The following SASH1 variants were observed in gnomAD, a reference collection of about 807,000 sequenced individuals.
The protein encoded by SASH1 is SAM and SH3 domain containing 1.
Under a neutral mutation model 125.2 loss-of-function variants are expected in SASH1, and 44 were observed. That is an observed-to-expected ratio of 0.35 (90% CI 0.28 to 0.45). The LOEUF is 0.45. SASH1 is among the 20% of genes least tolerant of loss of function. SASH1 has a pLI of 1.00. For synonymous variants in SASH1, 639 were observed against 649.1 expected, an observed-to-expected ratio of 0.98 and a Z score of 0.24; for missense variants, 1,426 against 1,614.5, an observed-to-expected ratio of 0.88 and a Z score of 2.00.
chr6:148,388,457 C>A (rs1294742878), intron 1 of SASH1, among the ~76,000 whole-genome samples: 2 of 152,202 alleles, frequency 1.3e-5, no homozygotes, highest in African/African-American at 4.8e-5. Context: ...GAAGGGGTGA[C>A]TTTTGTCCAG....
intron 2 of SASH1, among the ~76,000 whole-genome samples, chr6:148,430,929 A>C (rs1776035887): frequency 1.3e-5 from 2 of 152,222 alleles, no homozygotes; most frequent in Admixed American, 1.3e-4. Context: ...AAAGATTATC[A>C]AGTGGTCCAT....
At chr6:148,220,641 A>G in the SASH1 span, among the ~76,000 whole-genome samples, 2 of 152,296 alleles carry the variant, frequency 1.3e-5, no homozygotes, top group East Asian at 3.9e-4. Flanking sequence ...CAGTCTGGAC[A>G]TGGTGGCTCA....
At chr6:148,494,161 C>A (rs79095190) in intron 8 of SASH1, among the ~76,000 whole-genome samples, 1 of 152,048 alleles carries the variant, frequency 6.6e-6, no homozygotes, top group Non-Finnish European at 1.5e-5. Context: ...TGAATATTAA[C>A]AAAAATGTTT....
Position 148,532,754 on chromosome 6 carries a change from G to A in SASH1, c.1565-43G>A. The A allele has an allele frequency of 6.2e-7, 1 of 1,606,822 alleles. No individual in the cohort carries two copies. Among genetic ancestry groups the A allele is most frequent in the Non-Finnish European group, 8.5e-7 (1 of 1,175,244 alleles). On this transcript the variant is annotated intron_variant, in intron 13 of 19. Coordinates refer to ENST00000367467, the MANE Select transcript of SASH1 (RefSeq NM_015278.5). This position sits in a 1 kb window ranked among gnomAD's most constrained non-coding sequence, Gnocchi z 4.7. ...AATACCTTTCTGCTTTGCTGGGTGG[G>A]AAATCTGGATCTACCCGTGTTCTTC... is the stretch of plus-strand genomic sequence containing the variant.
At chr6:148,354,778 C>CT (rs1781864141) in intron 1 of SASH1, among the ~76,000 whole-genome samples, 1 of 151,988 alleles carries the variant, frequency 6.6e-6, no homozygotes, top group Non-Finnish European at 1.5e-5. Context: ...TTTATTTTCC[C>CT]GCGAGATGGA....
chr6:148,285,787 G>T (rs1779466461), intron 1 of SASH1, among the ~76,000 whole-genome samples: 1 of 152,170 alleles, frequency 6.6e-6, no homozygotes, highest in Non-Finnish European at 1.5e-5. Flanking sequence ...AGCGCCAACA[G>T]TTTTCAATGC....
chr6:148,414,745 A>C (rs541057128), intron 2 of SASH1, among the ~76,000 whole-genome samples: 172 of 152,150 alleles, frequency 1.1e-3, no homozygotes, highest in Admixed American at 3.9e-3. Flanking sequence ...GGCATACCGC[A>C]ACCTCTGCCT....
Position 148,544,054 on chromosome 6 carries a change from C to T in SASH1, c.2584C>T (p.Pro862Ser), listed in dbSNP as rs1782390792. The T allele has an allele frequency of 6.2e-7, 1 of 1,614,120 alleles. No individual in the cohort carries two copies. The highest frequency in any genetic ancestry group is 1.1e-5 in the South Asian group (1 of 91,074). The change falls in exon 18 of 20, where the codon CCT becomes TCT. Residue 862 changes from proline to serine, a missense_variant. Transcript: ENST00000367467. This position sits in a 1 kb window ranked among gnomAD's most constrained non-coding sequence, Gnocchi z 6.4. ...GCCTACCGAGGTGACAGAACCGCCCCCTCAGATTGTACCTGAAGTGCCACA... is the reference window on the plus strand; with the variant it reads ...GCCTACCGAGGTGACAGAACCGCCCTCTCAGATTGTACCTGAAGTGCCACA... ...DVPTEVTEPP[P>S]QIVPEVPQKT...
the SASH1 span, among the ~76,000 whole-genome samples, chr6:148,265,199 G>C: frequency 6.6e-6 from 1 of 152,078 alleles, no homozygotes; most frequent in Non-Finnish European, 1.5e-5. Flanking sequence ...AGTCCCAGTT[G>C]CTTCAGAGGC....
intron 1 of SASH1, among the ~76,000 whole-genome samples, chr6:148,304,019 C>G (rs976430650): frequency 6.6e-6 from 1 of 151,958 alleles, no homozygotes; most frequent in Admixed American, 6.6e-5. Context: ...ATAACCAAAT[C>G]GGGGGCCGGG....
intron 1 of SASH1, among the ~76,000 whole-genome samples, chr6:148,348,769 G>A (rs1306549641): frequency 1.3e-5 from 2 of 152,196 alleles, no homozygotes; most frequent in African/African-American, 4.8e-5. Context: ...GACGTTTATT[G>A]GCTGCTAATT....
Position 148,544,208 on chromosome 6 carries a change from G to A in SASH1, c.2738G>A (p.Gly913Asp), listed in dbSNP as rs770580254. The A allele has an allele frequency of 1.2e-6, 2 of 1,614,160 alleles. No individual in the cohort carries two copies. Among genetic ancestry groups the A allele is most frequent in the Non-Finnish European group, 1.7e-6 (2 of 1,180,036 alleles). ...PQKLTTKKLE[G>D]SIAASGRGLS... ...AAATTGACAACTAAGAAACTGGAGGGCTCAATCGCAGCCTCTGGTCGCGGC... is the reference window on the plus strand; with the variant it reads ...AAATTGACAACTAAGAAACTGGAGGACTCAATCGCAGCCTCTGGTCGCGGC... The change falls in exon 18 of 20, where the codon GGC (glycine) becomes GAC (aspartate). Residue 913 changes from glycine (G) to aspartate (D), a missense_variant. Around this residue, in one of 3 missense-constraint regions of SASH1, gnomAD observed 634 missense variants for 694.4 expected, o/e 0.91. Transcript: ENST00000367467. The surrounding 1 kb of genome is among the most constrained non-coding windows in gnomAD (Gnocchi z 6.4).
rs1229108798 is a variant in SASH1 at position 148,374,388 on chromosome 6, G to T, written c.157-15746G>T. 3.4e-4 allele frequency among the ~76,000 whole-genome samples: 52 copies of T among 152,190 alleles called. 2 individuals are homozygous for T. Among genetic ancestry groups the T allele is most frequent in the Admixed American group, 3.4e-3 (52 of 15,280 alleles). On this transcript the variant is annotated intron_variant, in intron 1 of 19. Transcript: ENST00000367467. ...AAAAATGTTAATTCTTCAATGAAAT[G>T]AATTGCTCTTTCAAAAAATTATGTA...
chr6:148,364,553 C>T (rs911382546), intron 1 of SASH1, among the ~76,000 whole-genome samples: 5 of 152,078 alleles, frequency 3.3e-5, no homozygotes, highest in Admixed American at 6.6e-5. Flanking sequence ...GTCCTGAGCA[C>T]GTTTAGAGTT....
intron 1 of SASH1, among the ~76,000 whole-genome samples, chr6:148,291,693 A>C (rs559569912): frequency 2.8e-4 from 43 of 152,194 alleles, no homozygotes; most frequent in African/African-American, 8.2e-4. Flanking sequence ...ACAAACAACA[A>C]CAACAACAAA....
At chr6:148,234,043 A>G in the SASH1 span, among the ~76,000 whole-genome samples, 2 of 151,814 alleles carry the variant, frequency 1.3e-5, no homozygotes, top group Non-Finnish European at 2.9e-5. Context: ...GGGTGGGGAT[A>G]GGGATACAAT....
chr6:148,213,555 G>T, the SASH1 span, among the ~76,000 whole-genome samples: 1 of 141,164 alleles, frequency 7.1e-6, no homozygotes, highest in African/African-American at 2.5e-5. Context: ...AGAAAAGCAC[G>T]GGGAAGGGAG....
chr6:148,453,299 G>C (rs1228473253), intron 4 of SASH1, among the ~76,000 whole-genome samples: 1 of 152,204 alleles, frequency 6.6e-6, no homozygotes, highest in Non-Finnish European at 1.5e-5. Context: ...AGAAGAAACA[G>C]AATATTAGGC....
At chr6:148,232,402 T>C in the SASH1 span, among the ~76,000 whole-genome samples, 6 of 152,210 alleles carry the variant, frequency 3.9e-5, no homozygotes, top group African/African-American at 1.4e-4. Flanking sequence ...CAAGAAGACA[T>C]GGTTTGATCC....
Sources: allele counts gnomAD v4.1 joint callset (sites outside exome capture counted in the v4.1 genomes callset), GRCh38; gene constraint gnomAD v4.1.1; regional missense constraint gnomAD v4.1.1; non-coding constraint Gnocchi (gnomAD v3.1); transcripts MANE v1.5; gene names NCBI Gene and HGNC (gene_info 2026-07-23, HGNC 2026-07-21).